Variants in SVEP1 observed in about 807,000 individuals in gnomAD.
SVEP1 encodes the protein sushi, von Willebrand factor type A, EGF and pentraxin domain containing 1.
Under a neutral mutation model 367.3 loss-of-function variants are expected in SVEP1, and 164 were observed. The ratio of observed to expected loss-of-function variants is 0.45; its 90% CI spans 0.39 to 0.51. SVEP1 has a LOEUF of 0.51. Ranked by LOEUF, SVEP1 falls within the 20% of genes least tolerant of loss-of-function variation. SVEP1 has a pLI of 0.00. For synonymous variants in SVEP1, 1,666 were observed against 1,611.6 expected (o/e 1.03, Z -0.81); for missense variants, 4,117 against 4,425.3 (o/e 0.93, Z 1.98).
intron 5 of SVEP1, among the ~76,000 whole-genome samples, chr9:110,510,188 G>T (rs1829685934): frequency 1.3e-5 from 2 of 152,192 alleles, no homozygotes; most frequent in South Asian, 4.1e-4. Context: ...AGCCACAGGG[G>T]CATAACTACA....
At chr9:110,502,909 C>A (rs1161092212) in intron 6 of SVEP1, 129 bp downstream of exon 6, 2 of 906,660 alleles carry the variant, frequency 2.2e-6, no homozygotes, top group East Asian at 2.7e-5. Context: ...AACACCTGCA[C>A]CTGTACATGT....
At chr9:110,435,393 C>G (rs1288390512) in intron 28 of SVEP1, 29 bp from the exon 29 acceptor site, 2 of 1,608,176 alleles carry the variant, frequency 1.2e-6, no homozygotes, top group African/African-American at 1.3e-5. Context: ...TTTAGATAAG[C>G]CTTACTTGTT....
At chr9:110,489,503 T>C (rs1829333833) in intron 9 of SVEP1, 147 bp downstream of exon 9, 12 of 646,052 alleles carry the variant, frequency 1.9e-5, no homozygotes, top group Non-Finnish European at 2.7e-5. Context: ...CTGAGACTTA[T>C]TCACTATCAT....
chr9:110,569,380 C>A (rs962328440), intron 1 of SVEP1, among the ~76,000 whole-genome samples: 13 of 148,026 alleles, frequency 8.8e-5, no homozygotes, highest in South Asian at 6.4e-4. Flanking sequence ...CACTTGAACC[C>A]GGGAGGTGGA....
intron 32 of SVEP1, 26 bp downstream of exon 32, chr9:110,431,889 C>A: frequency 1.2e-6 from 2 of 1,612,688 alleles, no homozygotes. Flanking sequence ...GAATTAGGAA[C>A]TTTTAGTTCT....
At chr9:110,470,052 A>G (rs1460035725) in intron 16 of SVEP1, among the ~76,000 whole-genome samples, 1 of 152,214 alleles carries the variant, frequency 6.6e-6, no homozygotes, top group Non-Finnish European at 1.5e-5. Flanking sequence ...CGTAAGATTC[A>G]TGCCATTCGG....
At chr9:110,549,821 C>A in intron 2 of SVEP1, 28 bp downstream of exon 2, 1 of 1,610,364 alleles carries the variant, frequency 6.2e-7, no homozygotes, top group South Asian at 1.1e-5. Flanking sequence ...TTAAAAGTAC[C>A]TTTGTGATGC....
At chr9:110,424,965 C>G (rs1170157349) in intron 36 of SVEP1, among the ~76,000 whole-genome samples, 1 of 152,202 alleles carries the variant, frequency 6.6e-6, no homozygotes, top group Non-Finnish European at 1.5e-5. Flanking sequence ...TGAGCCACCA[C>G]GTCCAGCCTA....
At chr9:110,564,949 T>C (rs1314924882) in intron 1 of SVEP1, among the ~76,000 whole-genome samples, 6 of 152,116 alleles carry the variant, frequency 3.9e-5, no homozygotes, top group African/African-American at 1.2e-4. Flanking sequence ...ATGCTTCCTC[T>C]TACAATAGGG....
At position 110,459,249 on chromosome 9, in the gene SVEP1, C is replaced by T. The variant is rs567863107; in HGVS notation, c.3323-136G>A. The stretch of plus-strand genomic sequence containing the variant: ...TCTTCCATATATTTAATACCCATAC[C>T]ATCTTATCACCCAGGTAAATGTTTT... On this transcript the variant is annotated intron_variant, in intron 18 of 47. Transcript: ENST00000374469. 1.3e-4 allele frequency: 86 copies of T among 682,392 alleles called. 2 individuals carry two copies. The South Asian group carries it at 2.8e-3, about 22-fold the overall frequency. 42.3% of individuals were successfully genotyped at this position (682,392 alleles called of 1,614,324 possible).
In SVEP1 at chr9:110,407,834, G is replaced by A. The variant is rs531194702; in HGVS notation, c.7766C>T (p.Ala2589Val). The A allele has an allele frequency of 5.0e-6, 8 of 1,613,992 alleles. No individual in the cohort carries two copies. Among genetic ancestry groups the A allele is most frequent in the African/African-American group, 4.0e-5 (3 of 75,042 alleles). Residue 2589 changes from alanine (A) to valine (V), a missense_variant, in exon 38 of 48, where the codon GCT (alanine) becomes GTT (valine). Ala to Val is a moderately conservative substitution (Grantham distance 64). Around this residue, in one of 4 missense-constraint regions of SVEP1, gnomAD observed 1,765 missense variants for 1,781.1 expected, o/e 0.99. Coordinates refer to ENST00000374469, the MANE Select transcript of SVEP1 (RefSeq NM_153366.4). ...TTCACAGGTCTGCATGGCATGACCA[G>A]CCACCTGAAACCCAGGGAAGCAACT... ...IYSCFPGFQV[A>V]GHAMQTCEES...
chr9:110,436,298 T>C, intron 28 of SVEP1, 82 bp downstream of exon 28: 3 of 1,524,448 alleles, frequency 2.0e-6, no homozygotes, highest in South Asian at 1.3e-5. Context: ...CAATAAGTTA[T>C]GTCATCATTA....
At chr9:110,460,111 T>G (rs1208946669) in intron 18 of SVEP1, among the ~76,000 whole-genome samples, 1 of 152,146 alleles carries the variant, frequency 6.6e-6, no homozygotes, top group African/African-American at 2.4e-5. Flanking sequence ...AGTTTTATCG[T>G]TAGTATTTTT....
intron 43 of SVEP1, among the ~76,000 whole-genome samples, chr9:110,382,137 T>C (rs1486371838): frequency 1.3e-5 from 2 of 152,176 alleles, no homozygotes; most frequent in Non-Finnish European, 2.9e-5. Flanking sequence ...TAGGTGGTTA[T>C]TTTGCAGACT....
At chr9:110,403,301 T>TG (rs992804863) in intron 39 of SVEP1, among the ~76,000 whole-genome samples, 11 of 124,114 alleles carry the variant, frequency 8.9e-5, no homozygotes, top group African/African-American at 3.7e-4. Context: ...CCGCCGTTTT[T>TG]TTTTTTTTTT....
chr9:110,492,040 C>T (rs1829373800), intron 8 of SVEP1, among the ~76,000 whole-genome samples: 1 of 152,076 alleles, frequency 6.6e-6, no homozygotes, highest in African/African-American at 2.4e-5. Flanking sequence ...CATATATTAT[C>T]TTTCTCTTAG....
chr9:110,428,111 A>C (rs1828282136), intron 35 of SVEP1, among the ~76,000 whole-genome samples: 1 of 152,112 alleles, frequency 6.6e-6, no homozygotes, highest in Admixed American at 6.6e-5. Context: ...AGGAAGAAAG[A>C]CACTCACCTA....
chr9:110,519,488 A>G (rs187756907), intron 3 of SVEP1, among the ~76,000 whole-genome samples: 4 of 152,102 alleles, frequency 2.6e-5, no homozygotes, highest in Admixed American at 2.6e-4. Flanking sequence ...CTTCAGACAA[A>G]TTTTGTTGCC....
At chr9:110,572,645 TGAGCCCAGGAGTTC>T in intron 1 of SVEP1, among the ~76,000 whole-genome samples, 1 of 152,130 alleles carries the variant, frequency 6.6e-6, no homozygotes, top group Non-Finnish European at 1.5e-5. Flanking sequence ...GCTGGTCACT[TGAGCCCAGGAGTTC>T]GAGACCAGCT....
Sources: allele counts gnomAD v4.1 joint callset (sites outside exome capture counted in the v4.1 genomes callset), GRCh38; gene constraint gnomAD v4.1.1; regional missense constraint gnomAD v4.1.1; transcripts MANE v1.5; gene names NCBI Gene and HGNC (gene_info 2026-07-23, HGNC 2026-07-21).